The following CPLX2 variants were observed in gnomAD, a reference collection of about 807,000 sequenced individuals.
CPLX2 encodes complexin-2.
Under a neutral mutation model 16.3 loss-of-function variants are expected in CPLX2, and 5 were observed. The ratio of observed to expected loss-of-function variants is 0.31; its 90% CI spans 0.16 to 0.64. The LOEUF is 0.64. Ranked by LOEUF, CPLX2 falls within the 30% of genes least tolerant of loss-of-function variation. CPLX2 has a pLI of 0.79. For synonymous variants in CPLX2, 89 were observed against 73.2 expected (o/e 1.22, Z -1.10); for missense variants, 144 against 181.4 (o/e 0.79, Z 1.18).
At chr5:175,838,560 C>A (rs535684967) in intron 2 of CPLX2, among the ~76,000 whole-genome samples, 1 of 152,124 alleles carries the variant, frequency 6.6e-6, no homozygotes, top group Admixed American at 6.5e-5. Flanking sequence ...GCCCGGCCCC[C>A]CTTCTGTCTT....
chr5:175,833,287 G>A (rs1418397414), intron 2 of CPLX2, among the ~76,000 whole-genome samples: 1 of 152,162 alleles, frequency 6.6e-6, no homozygotes, highest in Non-Finnish European at 1.5e-5. Context: ...CTTGTGATTA[G>A]GAATTGCCAC....
intron 2 of CPLX2, among the ~76,000 whole-genome samples, chr5:175,855,893 C>T (rs559020878): frequency 3.3e-5 from 5 of 152,128 alleles, no homozygotes; most frequent in South Asian, 2.1e-4. Context: ...AGGTGCTATA[C>T]GGAAGAAAGG....
At chr5:175,800,310 T>C (rs1758069530) in intron 1 of CPLX2, among the ~76,000 whole-genome samples, 1 of 151,836 alleles carries the variant, frequency 6.6e-6, no homozygotes, top group Non-Finnish European at 1.5e-5. Context: ...AAGTCGTAGG[T>C]AGAAAATTCA....
At chr5:175,864,099 T>C (rs1165661820) in intron 2 of CPLX2, among the ~76,000 whole-genome samples, 1 of 152,226 alleles carries the variant, frequency 6.6e-6, no homozygotes, top group Non-Finnish European at 1.5e-5. Context: ...AGGGAATTAA[T>C]ACTTGCTGAG....
chr5:175,838,327 G>T (rs892058139), intron 2 of CPLX2, among the ~76,000 whole-genome samples: 9 of 149,860 alleles, frequency 6.0e-5, no homozygotes, highest in African/African-American at 2.2e-4. Flanking sequence ...GAGTGCAGTG[G>T]CACGATCTCG....
At chr5:175,836,692 C>T (rs1214653625) in intron 2 of CPLX2, among the ~76,000 whole-genome samples, 1 of 152,230 alleles carries the variant, frequency 6.6e-6, no homozygotes, top group Non-Finnish European at 1.5e-5. Context: ...ATAAGCATTC[C>T]GTCTTCAACT....
rs201745755 is a variant in CPLX2, at chr5:175,836,900, C to CAG, written c.-89+27835_-89+27836dup. ...CTTTACAGATAAAGAACATGAGGCCCAGAGTGCAGGCAGTGGCACAAGTGG... is the reference window on the plus strand; with the variant it reads ...CTTTACAGATAAAGAACATGAGGCCCAGAGAGTGCAGGCAGTGGCACAAGTGG... On this transcript the variant is annotated intron_variant, in intron 2 of 4. Coordinates refer to the CPLX2 transcript ENST00000359546. Among the ~76,000 whole-genome samples, 695 of 152,326 alleles carry CAG rather than the reference C, an allele frequency of 4.6e-3. 8 individuals are homozygous for CAG. The highest frequency in any genetic ancestry group is 0.014 in the African/African-American group (596 of 41,574).
At chr5:175,805,435 GT>G (rs1758179522) in intron 1 of CPLX2, 1 of 152,060 alleles carries the variant, frequency 6.6e-6, no homozygotes, top group Non-Finnish European at 1.5e-5. Flanking sequence ...ATCCCTTTTT[GT>G]TTTGCAGAAG....
At chr5:175,796,808 C>G (rs919431380) in intron 1 of CPLX2, 6 of 152,266 alleles carry the variant, frequency 3.9e-5, no homozygotes, top group Admixed American at 3.9e-4. Context: ...GCGCTCGCTC[C>G]CTGTGGCTGA....
intron 3 of CPLX2, among the ~76,000 whole-genome samples, chr5:175,879,480 T>A (rs1755515018): frequency 6.6e-6 from 1 of 152,224 alleles, no homozygotes; most frequent in South Asian, 2.1e-4. Flanking sequence ...CCAGTGCATG[T>A]CTGTTAGTGC....
At chr5:175,821,558 T>C (rs965794426) in intron 2 of CPLX2, among the ~76,000 whole-genome samples, 2 of 152,024 alleles carry the variant, frequency 1.3e-5, no homozygotes, top group Admixed American at 1.3e-4. Flanking sequence ...CAGGCACCTG[T>C]CACCATGCCC....
At chr5:175,811,454 T>C (rs1561770022) in intron 2 of CPLX2, among the ~76,000 whole-genome samples, 1 of 152,178 alleles carries the variant, frequency 6.6e-6, no homozygotes, top group Admixed American at 6.5e-5. Context: ...ATTGGTGGAT[T>C]CTGCCTTTCT....
chr5:175,855,076 G>A (rs573141121), intron 2 of CPLX2, among the ~76,000 whole-genome samples: 2 of 152,356 alleles, frequency 1.3e-5, no homozygotes, highest in Non-Finnish European at 2.9e-5. Flanking sequence ...TTAGTCTGAG[G>A]GTGTAGCCAG....
In CPLX2 at chr5:175,881,804, G is replaced by C. The variant is rs572264984; in HGVS notation, c.*1759G>C. ...CCCCAGGAAGCCATGCTGGGCCCCC[G>C]CCAGGGCCTATCCCAAAAGCAGGGG... On this transcript the variant is annotated 3_prime_UTR_variant, in exon 4 of 4. Transcript: ENST00000393745. 1 of 152,726 alleles carries C rather than the reference G, an allele frequency of 6.5e-6. No individual in the cohort carries two copies. Among genetic ancestry groups the C allele is most frequent in the East Asian group, 1.9e-4 (1 of 5,176 alleles). 9.5% of individuals were successfully genotyped at this position (152,726 alleles called of 1,614,324 possible). A position where few individuals can be genotyped will look rare whatever the true frequency, so the allele number is the denominator to read the frequency against.
At chr5:175,826,989 T>G (rs1354050539) in intron 2 of CPLX2, among the ~76,000 whole-genome samples, 3 of 152,192 alleles carry the variant, frequency 2.0e-5, no homozygotes, top group African/African-American at 7.2e-5. Flanking sequence ...TCTCTCCCTG[T>G]CTTGGCTCAG....
chr5:175,851,174 C>T (rs2113679087), intron 2 of CPLX2, among the ~76,000 whole-genome samples: 1 of 152,204 alleles, frequency 6.6e-6, no homozygotes, highest in South Asian at 2.1e-4. Flanking sequence ...ACTTTCTTGT[C>T]TCTTCAAAGG....
intron 2 of CPLX2, among the ~76,000 whole-genome samples, chr5:175,825,435 A>G (rs1235072041): frequency 6.6e-6 from 1 of 151,998 alleles, no homozygotes; most frequent in Non-Finnish European, 1.5e-5. Flanking sequence ...ATGGGGCACA[A>G]TACTTAGAAA....
At chr5:175,866,698 C>T (rs1759484973), upstream of CPLX2, among the ~76,000 whole-genome samples, 1 of 152,104 alleles carries the variant, frequency 6.6e-6, no homozygotes, top group Admixed American at 6.5e-5. Flanking sequence ...GGAGGGGCTC[C>T]CCCAGGGAAT....
chr5:175,868,955 A>G (rs1291803741), upstream of CPLX2, among the ~76,000 whole-genome samples: 1 of 152,232 alleles, frequency 6.6e-6, no homozygotes, highest in African/African-American at 2.4e-5. Context: ...TGTGTAAATT[A>G]AATGAGAAAA....
Sources: gnomAD v4.1 joint callset for allele counts (sites outside exome capture counted in the v4.1 genomes callset) on GRCh38, gnomAD v4.1.1 for gene constraint, MANE v1.5 for transcripts, NCBI Gene and HGNC (gene_info 2026-07-23, HGNC 2026-07-21) for gene names.